The following SDK1 variants were observed in gnomAD, a reference collection of about 807,000 sequenced individuals.
SDK1 encodes protein sidekick-1.
Under a neutral mutation model 245.5 loss-of-function variants are expected in SDK1, and 157 were observed. The observed-to-expected ratio is 0.64, with a 90% CI of 0.56 to 0.73. SDK1 has a LOEUF of 0.73. Among genes scored for constraint, SDK1 ranks in the 30% least tolerant of loss-of-function variants. SDK1 has a pLI of 0.00. For missense variants in SDK1, 3,583 were observed against 3,002.3 expected (o/e 1.19, Z -4.52); for synonymous variants, 1,647 against 1,278.5 (o/e 1.29, Z -6.15).
intron 1 of SDK1, among the ~76,000 whole-genome samples, chr7:3,597,519 G>C (rs1294555468): frequency 6.6e-6 from 1 of 152,156 alleles, no homozygotes; most frequent in Non-Finnish European, 1.5e-5. Context: ...ACTTCAGGTT[G>C]CTTTTTCGAA....
At chr7:3,800,880 G>T (rs574178434) in intron 4 of SDK1, among the ~76,000 whole-genome samples, 26 of 152,270 alleles carry the variant, frequency 1.7e-4, no homozygotes, top group African/African-American at 6.0e-4. Context: ...GCCTGGCCCA[G>T]TTTTTGTCTT....
intron 20 of SDK1, among the ~76,000 whole-genome samples, chr7:4,070,887 T>G (rs1780213186): frequency 6.6e-6 from 1 of 151,898 alleles, no homozygotes; most frequent in Non-Finnish European, 1.5e-5. Context: ...TTGTTTGTAT[T>G]TTTAGTGAAG....
At chr7:3,432,164 T>A (rs958105698) in intron 1 of SDK1, among the ~76,000 whole-genome samples, 2 of 145,234 alleles carry the variant, frequency 1.4e-5, no homozygotes, top group Non-Finnish European at 3.0e-5. Flanking sequence ...TATATATTTT[T>A]ATATATATAT....
At chr7:3,512,507 G>T (rs766070485) in intron 1 of SDK1, among the ~76,000 whole-genome samples, 1 of 152,040 alleles carries the variant, frequency 6.6e-6, no homozygotes, top group South Asian at 2.1e-4. Context: ...TATGGTACGG[G>T]TATGTTTCGT....
chr7:4,178,414 A>G, intron 34 of SDK1, 71 bp from the exon 35 acceptor site: 1 of 1,146,346 alleles, frequency 8.7e-7, no homozygotes, highest in East Asian at 2.4e-5. Flanking sequence ...ATTGTGGTTC[A>G]TAGGGGGAAC....
chr7:3,306,864 C>G (rs1294028264), intron 1 of SDK1, among the ~76,000 whole-genome samples: 1 of 152,098 alleles, frequency 6.6e-6, no homozygotes, highest in African/African-American at 2.4e-5. Context: ...GTAATGTCAG[C>G]TGACTGAAAC....
intron 4 of SDK1, among the ~76,000 whole-genome samples, chr7:3,690,717 A>C (rs1784417618): frequency 6.6e-6 from 1 of 152,192 alleles, no homozygotes; most frequent in African/African-American, 2.4e-5. Context: ...CCCCCGTAAC[A>C]TTATACTGAT....
chr7:4,082,660 AC>A (rs1183366085), intron 22 of SDK1, among the ~76,000 whole-genome samples: 1 of 151,946 alleles, frequency 6.6e-6, no homozygotes, highest in Non-Finnish European at 1.5e-5. Flanking sequence ...TCACTCTGTC[AC>A]CCAGACAGGA....
intron 1 of SDK1, among the ~76,000 whole-genome samples, chr7:3,383,613 T>C (rs919788576): frequency 1.3e-5 from 2 of 152,182 alleles, no homozygotes; most frequent in Admixed American, 1.3e-4. Context: ...GGTCTTGATA[T>C]TTTCGTGTAA....
rs186428196 is a variant in SDK1 at position 3,411,174 on chromosome 7, C to G, written c.298+109290C>G. Among the ~76,000 whole-genome samples the G allele has an allele frequency of 2.9e-4, 44 of 152,154 alleles. No individual in the cohort carries two copies. In the East Asian group the frequency reaches 8.3e-3, roughly 29 times the overall value. On this transcript the variant is annotated intron_variant, in intron 1 of 44. Transcript: ENST00000404826. The stretch of plus-strand genomic sequence containing the variant: ...AAGGGAAGATCAGTGTAGGGCAAAG[C>G]AAATCCAAGAGAGCCGGGAAGATAA...
intron 5 of SDK1, among the ~76,000 whole-genome samples, chr7:3,909,816 C>G (rs920198221): frequency 2.0e-5 from 3 of 152,182 alleles, no homozygotes; most frequent in Non-Finnish European, 4.4e-5. Context: ...AGCGAGGCAC[C>G]TCTTCATATA....
At chr7:4,143,159 C>T (rs1289610374) in intron 28 of SDK1, among the ~76,000 whole-genome samples, 1 of 152,160 alleles carries the variant, frequency 6.6e-6, no homozygotes, top group African/African-American at 2.4e-5. Context: ...CCCTGTGCTG[C>T]TTCCGGTGGG....
chr7:4,035,768 C>T (rs7791801), intron 17 of SDK1, among the ~76,000 whole-genome samples: 47,679 of 151,998 alleles, frequency 0.31, 11,712 homozygotes, highest in African/African-American at 0.69. Flanking sequence ...TAAGATGAGC[C>T]TGGAACATCT....
intron 1 of SDK1, among the ~76,000 whole-genome samples, chr7:3,508,843 T>G (rs1782481397): frequency 6.6e-6 from 1 of 152,208 alleles, no homozygotes; most frequent in Non-Finnish European, 1.5e-5. Flanking sequence ...CAGTAGGTGC[T>G]CAATAAGTAT....
At chr7:3,394,663 CTCA>C (rs1213110091) in intron 1 of SDK1, among the ~76,000 whole-genome samples, 1 of 151,898 alleles carries the variant, frequency 6.6e-6, no homozygotes, top group Non-Finnish European at 1.5e-5. Flanking sequence ...TATTGAATGT[CTCA>C]TCATTTAAAA....
intron 5 of SDK1, among the ~76,000 whole-genome samples, chr7:3,908,999 C>T (rs1280380944): frequency 6.6e-6 from 1 of 152,080 alleles, no homozygotes; most frequent in Non-Finnish European, 1.5e-5. Flanking sequence ...ATGGCTGCCC[C>T]CTGCTCAAGT....
chr7:3,990,666 T>C (rs1157743972), intron 14 of SDK1, among the ~76,000 whole-genome samples: 1 of 152,204 alleles, frequency 6.6e-6, no homozygotes, highest in Non-Finnish European at 1.5e-5. Flanking sequence ...GGACTGTGTC[T>C]CCTTTGTCTT....
chr7:3,809,858 C>T lies in SDK1; in HGVS notation c.714-11592C>T, dbSNP rs562756481. On this transcript the variant is annotated intron_variant, in intron 4 of 44. Transcript: ENST00000404826. ...TCCGCAGAAAGTGAGACACAGAAAG[C>T]ATTTGACTTGTCAGGAATCGAGAAT... Among the ~76,000 whole-genome samples the T allele has an allele frequency of 4.6e-5, 7 of 152,272 alleles. No individual in the cohort carries two copies. In the South Asian group the frequency reaches 6.2e-4, roughly 14 times the overall value.
At chr7:3,323,633 G>A (rs939024419) in intron 1 of SDK1, among the ~76,000 whole-genome samples, 3 of 152,194 alleles carry the variant, frequency 2.0e-5, no homozygotes, top group Admixed American at 2.0e-4. Context: ...ACCAGCAATG[G>A]TGTGTCAGGT....
Sources: gnomAD v4.1 joint callset for allele counts (sites outside exome capture counted in the v4.1 genomes callset) on GRCh38, gnomAD v4.1.1 for gene constraint, MANE v1.5 for transcripts, NCBI Gene and HGNC (gene_info 2026-07-23, HGNC 2026-07-21) for gene names.